Variants in ATXN2 observed in about 807,000 individuals in gnomAD.
ATXN2 encodes the protein ataxin-2.
Under a neutral mutation model 138.6 loss-of-function variants are expected in ATXN2, and 37 were observed. That is an observed-to-expected ratio of 0.27 (90% CI 0.21 to 0.35). ATXN2 has a LOEUF of 0.35. ATXN2 is among the 10% of genes least tolerant of loss of function. The probability of loss-of-function intolerance (pLI) is 1.00; values close to 1 mark genes in which losing one functional copy is unlikely to be tolerated. For missense variants in ATXN2, 1,216 were observed against 1,480.3 expected (o/e 0.82, Z 2.93); for synonymous variants, 549 against 543.7 (o/e 1.01, Z -0.13).
Position 111,580,600 on chromosome 12 carries a change from A to C in ATXN2, c.251+18184T>G, listed in dbSNP as rs1592924682. Among the ~76,000 whole-genome samples, 4 of 140,846 alleles carry C rather than the reference A, an allele frequency of 2.8e-5. No homozygotes were observed. The East Asian group carries it at 7.1e-4, about 25-fold the overall frequency. 92.4% of individuals were successfully genotyped at this position (140,846 alleles called of 152,430 possible). On this transcript the variant is annotated intron_variant, in intron 1 of 24. Coordinates refer to ENST00000673436, the MANE Select transcript of ATXN2 (RefSeq NM_001372574.1). ...CAGAATCATCTGGGCTCAGGAGTTC[A>C]AGGTCAGCCTCAGCAACATAAGGAG...
Position 111,568,059 on chromosome 12 carries a change from A to C in ATXN2, c.252-12140T>G, listed in dbSNP as rs150623499. On this transcript the variant is annotated intron_variant, in intron 1 of 24. Transcript: ENST00000673436. The stretch of plus-strand genomic sequence containing the variant: ...GTGGATTATCTGAGGTCAGGAACTC[A>C]AGACCAGCCTTGCCAACATGGTGAA... Among the ~76,000 whole-genome samples the C allele has an allele frequency of 2.4e-3, 363 of 152,080 alleles. 1 individual carries two copies. Among genetic ancestry groups the C allele is most frequent in the Non-Finnish European group, 4.5e-3 (306 of 67,968 alleles).
At chr12:111,585,801 CAAAAAAAAAAAAAAAAAA>C (rs761433806) in intron 1 of ATXN2, among the ~76,000 whole-genome samples, 2 of 24,772 alleles carry the variant, frequency 8.1e-5, no homozygotes, top group Non-Finnish European at 3.8e-4. Context: ...AACTCCATCT[CAAAAAAAAAAAAAAAAAA>C]AAAAAAAAAA....
At chr12:111,485,089 C>A (rs1877542307) in intron 18 of ATXN2, 176 bp downstream of exon 18, 1 of 558,984 alleles carries the variant, frequency 1.8e-6, no homozygotes, top group Non-Finnish European at 3.2e-6. Context: ...TTTTTCTCCC[C>A]TGTTTTTCTT....
intron 10 of ATXN2, among the ~76,000 whole-genome samples, chr12:111,515,612 T>TA (rs1258902707): frequency 1.3e-5 from 2 of 152,200 alleles, no homozygotes; most frequent in Non-Finnish European, 2.9e-5. Flanking sequence ...AAGCTAACTT[T>TA]AAAAAAATTA....
intron 14 of ATXN2, among the ~76,000 whole-genome samples, chr12:111,504,660 C>T (rs7312583): frequency 0.1 from 15,465 of 151,984 alleles, 2,645 homozygotes; most frequent in African/African-American, 0.35. Context: ...TGAATCTGAA[C>T]TTACACAGTA....
At chr12:111,596,331 A>G (rs1296612208) in intron 1 of ATXN2, among the ~76,000 whole-genome samples, 1 of 151,592 alleles carries the variant, frequency 6.6e-6, no homozygotes, top group Non-Finnish European at 1.5e-5. Flanking sequence ...TATATATAAC[A>G]AAGAACAAAA....
At chr12:111,497,600 C>A (rs1185488808) in intron 14 of ATXN2, among the ~76,000 whole-genome samples, 1 of 151,506 alleles carries the variant, frequency 6.6e-6, no homozygotes, top group Non-Finnish European at 1.5e-5. Context: ...TACATCTTAA[C>A]AGAATAAAAG....
chr12:111,575,298 G>A (rs925033923), intron 1 of ATXN2, among the ~76,000 whole-genome samples: 5 of 152,078 alleles, frequency 3.3e-5, no homozygotes, highest in African/African-American at 7.2e-5. Context: ...CAATCCTCTC[G>A]CTTCAGCCTC....
intron 5 of ATXN2, among the ~76,000 whole-genome samples, chr12:111,539,909 C>A (rs1317148207): frequency 1.3e-5 from 2 of 150,276 alleles, no homozygotes; most frequent in Non-Finnish European, 3.0e-5. Context: ...CATTTTATAA[C>A]AACTTATTCT....
chr12:111,456,231 G>A lies in ATXN2; in HGVS notation c.3068C>T (p.Ala1023Val). ...CTGCTGTGGACTGGCCAGATGGAGA[G>A]CCTGGGCGGCCTGGTGCTGATGGTG... is the stretch of plus-strand genomic sequence containing the variant. ...VQHHQHQAAQ[A>V]LHLASPQQQS... is the part of the protein sequence containing the mutation. Residue 1023 changes from alanine to valine, a missense_variant, in exon 23 of 25, where the codon GCT becomes GTT. Ala to Val is a moderately conservative substitution (Grantham distance 64, BLOSUM62 0). Coordinates refer to ENST00000673436, the MANE Select transcript of ATXN2 (RefSeq NM_001372574.1). The A allele has an allele frequency of 6.2e-7, 1 of 1,614,248 alleles. No individual in the cohort carries two copies. Among genetic ancestry groups the A allele is most frequent in the Non-Finnish European group, 8.5e-7 (1 of 1,180,046 alleles).
chr12:111,535,858 G>A (rs1335429792), intron 5 of ATXN2, among the ~76,000 whole-genome samples: 1 of 151,356 alleles, frequency 6.6e-6, no homozygotes, highest in African/African-American at 2.4e-5. Flanking sequence ...AAATTAGCCG[G>A]GCGTAGTGGC....
chr12:111,534,153 C>T (rs1039250966), intron 5 of ATXN2, among the ~76,000 whole-genome samples: 1 of 151,544 alleles, frequency 6.6e-6, no homozygotes, highest in African/African-American at 2.4e-5. Context: ...TGGTGGCTCA[C>T]ACTTGGGAAG....
intron 23 of ATXN2, chr12:111,455,386 G>A: frequency 2.3e-6 from 1 of 440,250 alleles, no homozygotes; most frequent in South Asian, 2.4e-5. Flanking sequence ...CCTTTCACCT[G>A]TAGCAGCTTA....
At position 111,452,973 on chromosome 12, in the gene ATXN2, C is replaced by T. The variant is rs548658766; in HGVS notation, c.3440-133G>A. 2,241 of 1,322,882 alleles carry T rather than the reference C, an allele frequency of 1.7e-3. 14 individuals carry two copies. Among genetic ancestry groups the T allele is most frequent in the Middle Eastern group, 0.013 (60 of 4,672 alleles). 81.9% of individuals were successfully genotyped at this position (1,322,882 alleles called of 1,614,324 possible). A position where few individuals can be genotyped will look rare whatever the true frequency, so the allele number is the denominator to read the frequency against. ...AACTCAAAATTGAATTCGCTTTTCC[C>T]CCTCCCATCTGCACCAAAGTGGGGA... On this transcript the variant is annotated intron_variant, in intron 24 of 24. Transcript: ENST00000673436.
intron 6 of ATXN2, among the ~76,000 whole-genome samples, chr12:111,524,370 A>G (rs1219085716): frequency 6.6e-6 from 1 of 152,182 alleles, no homozygotes; most frequent in African/African-American, 2.4e-5. Flanking sequence ...CTACTCAAAT[A>G]TTGGTACCAT....
upstream of ATXN2, chr12:111,599,465 G>T: frequency 2.5e-6 from 3 of 1,212,398 alleles, no homozygotes; most frequent in South Asian, 7.4e-5. Flanking sequence ...GAAGCGGCGA[G>T]ACTCGGTGGC....
At chr12:111,504,890 C>T (rs1474551597) in intron 14 of ATXN2, among the ~76,000 whole-genome samples, 1 of 152,028 alleles carries the variant, frequency 6.6e-6, no homozygotes, top group African/African-American at 2.4e-5. Flanking sequence ...AAAGGGGTCC[C>T]GATCCAGACC....
intron 5 of ATXN2, among the ~76,000 whole-genome samples, chr12:111,530,293 C>T (rs1162522849): frequency 6.6e-6 from 1 of 152,136 alleles, no homozygotes; most frequent in African/African-American, 2.4e-5. Context: ...ACTAGGAGCT[C>T]CTGGGTGTAA....
At position 111,500,997 on chromosome 12, in the gene ATXN2, T is replaced by G. The variant is rs765871208; in HGVS notation, c.1935+8552A>C. On this transcript the variant is annotated intron_variant, in intron 14 of 24. Transcript: ENST00000673436. ...AATTTGTTGTACTTTTTAGAATAACTGAGGGAGTACAATTGCAACGTTCAT... is the reference window on the plus strand; with the variant it reads ...AATTTGTTGTACTTTTTAGAATAACGGAGGGAGTACAATTGCAACGTTCAT... Among the ~76,000 whole-genome samples, 259 of 152,284 alleles carry G rather than the reference T, an allele frequency of 1.7e-3. 1 individual carries two copies. Among genetic ancestry groups the G allele is most frequent in the Non-Finnish European group, 1.4e-3 (94 of 68,014 alleles).
Sources: allele counts gnomAD v4.1 joint callset (sites outside exome capture counted in the v4.1 genomes callset), GRCh38; gene constraint gnomAD v4.1.1; transcripts MANE v1.5; gene names NCBI Gene and HGNC (gene_info 2026-07-23, HGNC 2026-07-21).